The following OAS2 variants were observed in gnomAD, a reference collection of about 807,000 sequenced individuals.
The protein encoded by OAS2 is 2'-5'-oligoadenylate synthase 2.
In OAS2, 67 loss-of-function variants were observed where a neutral mutation model predicts 71.3. The observed-to-expected ratio is 0.94, with a 90% CI of 0.77 to 1.15. The LOEUF is 1.15. OAS2 is among the 50% of genes most tolerant of loss of function. The pLI is 0.00. For synonymous variants in OAS2, 327 were observed against 321.8 expected (o/e 1.02, Z -0.17); for missense variants, 789 against 822.5 (o/e 0.96, Z 0.50).
intron 5 of OAS2, among the ~76,000 whole-genome samples, chr12:112,999,980 A>T (rs1290479762): frequency 6.6e-6 from 1 of 152,180 alleles, no homozygotes; most frequent in Non-Finnish European, 1.5e-5. Flanking sequence ...TCCTGGGCTC[A>T]AGTGATCCTC....
rs2040806 is a variant in OAS2 at position 112,988,806 on chromosome 12, C to A, written c.448+1498C>A. 49 of 823,514 alleles carry A rather than the reference C, an allele frequency of 6.0e-5. No homozygotes were observed. The South Asian group carries it at 2.1e-3, about 34-fold the overall frequency. 51.0% of individuals were successfully genotyped at this position (823,514 alleles called of 1,614,324 possible). On this transcript the variant is annotated intron_variant, in intron 2 of 9. Coordinates refer to ENST00000392583, the MANE Select transcript of OAS2 (RefSeq NM_002535.3). ...TAATAAATTTGCTTCTTTCACCATA[C>A]TCTGTACCTGCCTTGAATTCTTTCC...
At chr12:112,993,772 G>A (rs1485675125) in intron 2 of OAS2, among the ~76,000 whole-genome samples, 1 of 151,846 alleles carries the variant, frequency 6.6e-6, no homozygotes, top group African/African-American at 2.4e-5. Context: ...AGAAGGCTGA[G>A]GCAGGAGGAT....
At chr12:112,999,746 C>T (rs1169587560) in intron 5 of OAS2, among the ~76,000 whole-genome samples, 2 of 152,142 alleles carry the variant, frequency 1.3e-5, no homozygotes, top group Non-Finnish European at 2.9e-5. Context: ...ATTATCCCCC[C>T]GACCTGACAT....
chr12:112,992,813 G>A (rs757283540), intron 2 of OAS2, among the ~76,000 whole-genome samples: 1 of 152,102 alleles, frequency 6.6e-6, no homozygotes, highest in African/African-American at 2.4e-5. Context: ...CAGGGTTGGG[G>A]GTGGGGGCCT....
At position 112,990,230 on chromosome 12, in the gene OAS2, C is replaced by T. The variant is rs369780543; in HGVS notation, c.448+2922C>T. ...ACACAATCTCAGTAGTTCCTGAGAA[C>T]GTGTGCCCCAGGTGATTAGGTTACA... On this transcript the variant is annotated intron_variant, in intron 2 of 9. Coordinates refer to ENST00000392583, the MANE Select transcript of OAS2 (RefSeq NM_002535.3). Among the ~76,000 whole-genome samples, 11 of 152,146 alleles carry T rather than the reference C, an allele frequency of 7.2e-5. No homozygotes were observed. The South Asian group carries it at 2.1e-3, about 29-fold the overall frequency.
At chr12:113,003,446 A>G (rs1187523321) in intron 6 of OAS2, among the ~76,000 whole-genome samples, 1 of 152,054 alleles carries the variant, frequency 6.6e-6, no homozygotes, top group Non-Finnish European at 1.5e-5. Flanking sequence ...AACACTTGTC[A>G]TAGGATTTAG....
rs1353146042 is a variant in OAS2, at chr12:113,009,209, C to A, written c.2018C>A (p.Thr673Asn). 1.2e-6 allele frequency: 2 copies of A among 1,614,004 alleles called. No individual in the cohort carries two copies. Among genetic ancestry groups the A allele is most frequent in the Non-Finnish European group, 1.7e-6 (2 of 1,180,008 alleles). The change falls in exon 10 of 10, where the codon ACT becomes AAT. Residue 673 changes from threonine (T) to asparagine (N), a missense_variant. Transcript: ENST00000392583. ...TCCTCTCCCTGCTTCAAGGATGGGA[C>A]TGGAAACCCAATACCACCTTGGAAA... ...WLSSPCFKDG[T>N]GNPIPPWKVP...
chr12:112,997,589 TG>T lies in OAS2; in HGVS notation c.700del (p.Glu234AsnfsTer21). 1 of 1,614,168 alleles carries T rather than the reference TG, an allele frequency of 6.2e-7. No homozygotes were observed. The highest frequency in any genetic ancestry group is 8.5e-7 in the Non-Finnish European group (1 of 1,180,008). On this transcript the variant is annotated frameshift_variant, in exon 4 of 10. Coordinates refer to ENST00000392583, the MANE Select transcript of OAS2 (RefSeq NM_002535.3). LOFTEE classifies it high-confidence loss of function. The stretch of plus-strand genomic sequence containing the variant: ...CCTGGAGCTGCTTACGGTGTATGCC[TG>T]GGAACAGGGGTGCAGAAAAGACAAC... ...YALELLTVYA[W>X]EQGCRKDNFD...
At position 112,998,467 on chromosome 12, in the gene OAS2, C is replaced by T. The variant is rs549347664; in HGVS notation, c.1008+57C>T. The T allele has an allele frequency of 1.9e-6, 3 of 1,572,018 alleles. No individual in the cohort carries two copies. The South Asian group carries it at 3.5e-5, about 18-fold the overall frequency. On this transcript the variant is annotated intron_variant, in intron 5 of 9. Transcript: ENST00000392583. Reference sequence around the variant, plus strand: ...ATGCTGCAGGAAGGTCTTCCTGACACCCAGGCTAGGTCTTATCTGAGAGTA... The same window carrying T: ...ATGCTGCAGGAAGGTCTTCCTGACATCCAGGCTAGGTCTTATCTGAGAGTA...
At chr12:113,006,736 G>A (rs1274176457) in intron 8 of OAS2, 136 bp downstream of exon 8, 6 of 686,168 alleles carry the variant, frequency 8.7e-6, no homozygotes, top group African/African-American at 5.3e-5. Flanking sequence ...ATATCTTTAC[G>A]ACGTTCCCAT....
chr12:112,998,379 A>G lies in OAS2; in HGVS notation c.977A>G (p.Asn326Ser), dbSNP rs777489049. 2 of 1,611,380 alleles carry G rather than the reference A, an allele frequency of 1.2e-6. No homozygotes were observed. The highest frequency in any genetic ancestry group is 8.5e-7 in the Non-Finnish European group (1 of 1,179,396). Residue 326 changes from asparagine (N) to serine (S), a missense_variant, in exon 5 of 10, where the codon AAT (asparagine) becomes AGT (serine). Asn to Ser is a conservative substitution (Grantham distance 46, BLOSUM62 1). Coordinates refer to ENST00000392583, the MANE Select transcript of OAS2 (RefSeq NM_002535.3). ...QTWLTSPNLD[N>S]ELPAPSWNVL... ...TGGTTGACTTCTCCCAACCTGGATA[A>G]TGAGTTACCTGCACCATCTTGGAAT...
At chr12:112,996,496 A>C (rs1283434337) in intron 3 of OAS2, among the ~76,000 whole-genome samples, 2 of 152,090 alleles carry the variant, frequency 1.3e-5, no homozygotes, top group Non-Finnish European at 2.9e-5. Context: ...TGTGAGTTTC[A>C]GGCATATTCT....
rs995187664 is a variant in OAS2 at position 113,011,472 on chromosome 12, A to G, written c.*2217A>G. 2.6e-5 allele frequency: 4 copies of G among 152,214 alleles called. No individual in the cohort carries two copies. Among genetic ancestry groups the G allele is most frequent in the African/African-American group, 9.6e-5 (4 of 41,458 alleles). The allele number at this position is 152,214 out of a possible 1,614,324, so 9.4% of individuals were successfully genotyped here. A position where few individuals can be genotyped will look rare whatever the true frequency, so the allele number is the denominator to read the frequency against. The stretch of plus-strand genomic sequence containing the variant: ...GTGATGGGGCTGGAAATTGAGTTCA[A>G]TTTTAACATGGCCAGTGATTTAAGC... On this transcript the variant is annotated 3_prime_UTR_variant, in exon 10 of 10. Transcript: ENST00000392583.
In OAS2 at chr12:113,010,247, CA is replaced by C. The variant is rs1345531839; in HGVS notation, c.*998del. 4 of 1,470,766 alleles carry C rather than the reference CA, an allele frequency of 2.7e-6. No individual in the cohort carries two copies. In the East Asian group the frequency reaches 7.1e-5, roughly 26 times the overall value. The allele number at this position is 1,470,766 out of a possible 1,614,324, so 91.1% of individuals were successfully genotyped here. A position where few individuals can be genotyped will look rare whatever the true frequency, so the allele number is the denominator to read the frequency against. Reference sequence around the variant, plus strand: ...TAAGATATGCATTATAAATAAATACCAAAAAATTGTCTCTGGCAATAGTTAC... The same window carrying C: ...TAAGATATGCATTATAAATAAATACCAAAAATTGTCTCTGGCAATAGTTAC... On this transcript the variant is annotated 3_prime_UTR_variant, in exon 10 of 10. Transcript: ENST00000392583.
intron 8 of OAS2, among the ~76,000 whole-genome samples, chr12:113,006,815 C>G (rs576761253): frequency 6.6e-6 from 1 of 152,328 alleles, no homozygotes; most frequent in East Asian, 1.9e-4. Context: ...ATGTGGTTTA[C>G]TTTGCCCTCA....
chr12:113,007,500 A>G (rs2044344574), intron 8 of OAS2, among the ~76,000 whole-genome samples: 1 of 152,244 alleles, frequency 6.6e-6, no homozygotes, highest in Admixed American at 6.5e-5. Flanking sequence ...CTAGGAAGGC[A>G]TATATGGTCA....
At chr12:113,006,312 C>T in intron 7 of OAS2, 101 bp from the exon 8 acceptor site, 2 of 982,632 alleles carry the variant, frequency 2.0e-6, no homozygotes, top group Non-Finnish European at 1.4e-6. Context: ...ATACTATTCA[C>T]AGTAATTTCC....
chr12:112,995,569 C>A, intron 3 of OAS2, 95 bp downstream of exon 3: 1 of 1,172,472 alleles, frequency 8.5e-7, no homozygotes, highest in Non-Finnish European at 1.2e-6. Flanking sequence ...AGGTATACAG[C>A]TCAACGCATT....
intron 5 of OAS2, 86 bp from the exon 6 acceptor site, chr12:113,002,846 G>T (rs1259594373): frequency 1.6e-6 from 2 of 1,239,898 alleles, no homozygotes; most frequent in Admixed American, 2.0e-5. Flanking sequence ...GAGAGGCAGG[G>T]TAGGGGGCCC....
Sources: allele counts gnomAD v4.1 joint callset (sites outside exome capture counted in the v4.1 genomes callset), GRCh38; gene constraint gnomAD v4.1.1; transcripts MANE v1.5; gene names NCBI Gene and HGNC (gene_info 2026-07-23, HGNC 2026-07-21).